Variants in LINC00305 observed in about 807,000 individuals in gnomAD.
LINC00305 encodes the protein long intergenic non-protein coding RNA 305.
intron 1 of LINC00305, among the ~76,000 whole-genome samples, chr18:64,104,919 T>G (rs775006596): frequency 2.0e-5 from 3 of 151,860 alleles, no homozygotes; most frequent in Non-Finnish European, 4.4e-5. Context: ...ATTGTTCTAT[T>G]CTCGGTGGTG....
chr18:64,080,371 G>A, exon 4 of LINC00305: 2 of 457,370 alleles, frequency 4.4e-6, no homozygotes, highest in Middle Eastern at 3.3e-4. Flanking sequence ...CAGGTCTCTG[G>A]TTGTAACCTT....
At chr18:64,141,839 A>G (rs1282357078) in intron 1 of LINC00305, among the ~76,000 whole-genome samples, 1 of 152,250 alleles carries the variant, frequency 6.6e-6, no homozygotes. Flanking sequence ...CATTATATGC[A>G]TACTTTAAAT....
At chr18:64,123,920 A>G (rs2051373331) in intron 1 of LINC00305, among the ~76,000 whole-genome samples, 1 of 152,022 alleles carries the variant, frequency 6.6e-6, no homozygotes, top group Admixed American at 6.6e-5. Flanking sequence ...CTCTGTCCCC[A>G]TAGGAACCCG....
At chr18:64,094,309 G>C (rs187189150) in intron 3 of LINC00305, among the ~76,000 whole-genome samples, 2 of 152,326 alleles carry the variant, frequency 1.3e-5, no homozygotes, top group East Asian at 3.9e-4. Context: ...CTTCTGAAAA[G>C]ATGATACAAA....
chr18:64,116,433 A>G (rs1517171), intron 1 of LINC00305, among the ~76,000 whole-genome samples: 38 of 152,224 alleles, frequency 2.5e-4, no homozygotes, highest in African/African-American at 8.9e-4. Flanking sequence ...AAACATCTTA[A>G]GAATATTTAT....
At chr18:64,080,744 G>A (rs913724901) in intron 3 of LINC00305, among the ~76,000 whole-genome samples, 3 of 152,020 alleles carry the variant, frequency 2.0e-5, no homozygotes, top group African/African-American at 7.2e-5. Context: ...ACAATATGTA[G>A]TGCAAAATTA....
intron 1 of LINC00305, among the ~76,000 whole-genome samples, chr18:64,125,111 A>G (rs1408194757): frequency 1.3e-5 from 2 of 152,092 alleles, no homozygotes; most frequent in African/African-American, 4.8e-5. Context: ...ACCAACATTC[A>G]TCCTTGAAAT....
intron 1 of LINC00305, among the ~76,000 whole-genome samples, chr18:64,102,584 C>T (rs190186961): frequency 1.4e-3 from 209 of 152,158 alleles, no homozygotes; most frequent in Non-Finnish European, 2.5e-3. Context: ...TCTTTCATTG[C>T]CATAAAGAAA....
intron 3 of LINC00305, among the ~76,000 whole-genome samples, chr18:64,092,213 A>G (rs1421719568): frequency 6.6e-6 from 1 of 152,202 alleles, no homozygotes; most frequent in African/African-American, 2.4e-5. Context: ...TTCAACAGCA[A>G]CTGCATGGCT....
intron 1 of LINC00305, among the ~76,000 whole-genome samples, chr18:64,117,900 T>C (rs1427448324): frequency 6.6e-6 from 1 of 152,178 alleles, no homozygotes; most frequent in East Asian, 1.9e-4. Context: ...TATTCCTACC[T>C]CTGCCTGCTT....
chr18:64,139,526 G>A (rs1302610089), intron 1 of LINC00305: 3 of 152,210 alleles, frequency 2.0e-5, no homozygotes, highest in Non-Finnish European at 2.9e-5. Flanking sequence ...ATTGTCTGAA[G>A]CGTACATCAT....
chr18:64,145,886 T>C (rs72949560), intron 1 of LINC00305, among the ~76,000 whole-genome samples: 10,769 of 152,254 alleles, frequency 0.071, 561 homozygotes, highest in Non-Finnish European at 0.12. Context: ...CTATTGACAA[T>C]ATTTCTCTTT....
intron 1 of LINC00305, among the ~76,000 whole-genome samples, chr18:64,105,743 TA>T (rs1390437121): frequency 6.6e-6 from 1 of 152,192 alleles, no homozygotes; most frequent in Non-Finnish European, 1.5e-5. Context: ...TTCATTTTCT[TA>T]AAGAGGCCAC....
At chr18:64,112,023 G>C (rs999407855) in intron 1 of LINC00305, among the ~76,000 whole-genome samples, 1 of 152,048 alleles carries the variant, frequency 6.6e-6, no homozygotes, top group Non-Finnish European at 1.5e-5. Context: ...ATGTCGTGTG[G>C]ATCTTTTAAC....
chr18:64,106,503 C>A (rs2051291435), intron 1 of LINC00305, among the ~76,000 whole-genome samples: 1 of 152,188 alleles, frequency 6.6e-6, no homozygotes, highest in South Asian at 2.1e-4. Flanking sequence ...GCCCATTCCT[C>A]TTTCTGTCAT....
intron 1 of LINC00305, among the ~76,000 whole-genome samples, chr18:64,123,642 C>T (rs2144261342): frequency 6.6e-6 from 1 of 152,032 alleles, no homozygotes; most frequent in South Asian, 2.1e-4. Flanking sequence ...AATGCTCTTT[C>T]CTTTCACATT....
intron 1 of LINC00305, among the ~76,000 whole-genome samples, chr18:64,143,551 AT>A (rs1337170055): frequency 3.5e-5 from 2 of 57,048 alleles, no homozygotes; most frequent in Non-Finnish European, 7.1e-5. Flanking sequence ...ATGTACACAT[AT>A]TATGTGTACA....
At chr18:64,086,379 A>G (rs992488920) in intron 3 of LINC00305, among the ~76,000 whole-genome samples, 3 of 152,234 alleles carry the variant, frequency 2.0e-5, no homozygotes, top group Admixed American at 2.0e-4. Flanking sequence ...GGGGGACACT[A>G]CAAAGTAACA....
chr18:64,130,192 C>A (rs908738169), intron 1 of LINC00305, among the ~76,000 whole-genome samples: 5 of 151,970 alleles, frequency 3.3e-5, no homozygotes, highest in Non-Finnish European at 5.9e-5. Context: ...ATTCTATGTA[C>A]CTTCAGTAGT....
Sources: allele counts gnomAD v4.1 joint callset (sites outside exome capture counted in the v4.1 genomes callset), GRCh38; gene constraint gnomAD v4.1.1; transcripts MANE v1.5; gene names NCBI Gene and HGNC (gene_info 2026-07-23, HGNC 2026-07-21).